The following ATG14 variants were observed in gnomAD, a reference collection of about 807,000 sequenced individuals.
ATG14 encodes autophagy related 14.
A neutral mutation model predicts 60.4 loss-of-function variants in ATG14; 35 were observed. That is an observed-to-expected ratio of 0.58 (90% CI 0.44 to 0.77). The LOEUF is 0.77. Ranked by LOEUF, ATG14 falls within the 30% of genes least tolerant of loss-of-function variation. The probability of loss-of-function intolerance (pLI) is 0.00; values close to 1 mark genes in which losing one functional copy is unlikely to be tolerated. For missense variants in ATG14, 647 were observed against 626.3 expected (o/e 1.03, Z -0.35); for synonymous variants, 234 against 228.8 (o/e 1.02, Z -0.21).
intron 3 of ATG14, among the ~76,000 whole-genome samples, chr14:55,394,567 C>T (rs530521992): frequency 6.6e-6 from 1 of 152,286 alleles, no homozygotes; most frequent in East Asian, 1.9e-4. Flanking sequence ...AGCATGTACA[C>T]TACAGATTCA....
At chr14:55,411,463 C>T in intron 1 of ATG14, 139 bp downstream of exon 1, 1 of 844,632 alleles carries the variant, frequency 1.2e-6, no homozygotes, top group Non-Finnish European at 1.8e-6. Flanking sequence ...CGGTGCAGAG[C>T]AGCTAGCTAC....
chr14:55,402,777 A>C (rs1465134927), intron 1 of ATG14, among the ~76,000 whole-genome samples: 1 of 148,292 alleles, frequency 6.7e-6, no homozygotes, highest in Non-Finnish European at 1.5e-5. Flanking sequence ...AATTAGAAAC[A>C]GGCCAGGTGT....
intron 1 of ATG14, among the ~76,000 whole-genome samples, chr14:55,397,830 T>A (rs1885336535): frequency 6.6e-6 from 1 of 152,176 alleles, no homozygotes; most frequent in South Asian, 2.1e-4. Flanking sequence ...TTCCTTATAA[T>A]AAATTTTTAA....
In ATG14 at chr14:55,369,928, G is replaced by T; in HGVS notation, c.1173-3C>A. 1 of 1,590,548 alleles carries T rather than the reference G, an allele frequency of 6.3e-7. No homozygotes were observed. The highest frequency in any genetic ancestry group is 8.6e-7 in the Non-Finnish European group (1 of 1,166,450). Reference sequence around the variant, plus strand: ...CTCGTACTTCAAAGGGCCCTGACCTGTGTGCAGACAATGAGGGTCTCTTTA... The same window carrying T: ...CTCGTACTTCAAAGGGCCCTGACCTTTGTGCAGACAATGAGGGTCTCTTTA... On this transcript the variant is annotated splice_polypyrimidine_tract_variant and splice_region_variant and intron_variant, in intron 9 of 9. Coordinates refer to ENST00000247178, the MANE Select transcript of ATG14 (RefSeq NM_014924.5).
chr14:55,396,379 T>C (rs1885314239), intron 2 of ATG14, among the ~76,000 whole-genome samples: 1 of 152,228 alleles, frequency 6.6e-6, no homozygotes, highest in Non-Finnish European at 1.5e-5. Context: ...AAATGTTCTA[T>C]GGGAAAAATA....
chr14:55,383,360 G>A (rs1885067680), intron 5 of ATG14, among the ~76,000 whole-genome samples: 1 of 152,100 alleles, frequency 6.6e-6, no homozygotes, highest in South Asian at 2.1e-4. Flanking sequence ...AGATCAGCCT[G>A]GCCAACATGG....
At chr14:55,404,866 C>T (rs1885464841) in intron 1 of ATG14, among the ~76,000 whole-genome samples, 1 of 152,066 alleles carries the variant, frequency 6.6e-6, no homozygotes, top group Non-Finnish European at 1.5e-5. Context: ...GTAAGTCAGC[C>T]ACAACACCCC....
chr14:55,385,250 TAATA>T (rs1885103137), intron 5 of ATG14, among the ~76,000 whole-genome samples: 1 of 152,170 alleles, frequency 6.6e-6, no homozygotes, highest in Non-Finnish European at 1.5e-5. Flanking sequence ...AACACACAAC[TAATA>T]AATGGCCCAA....
intron 1 of ATG14, among the ~76,000 whole-genome samples, chr14:55,398,079 C>G (rs1418345732): frequency 1.3e-5 from 2 of 151,708 alleles, no homozygotes; most frequent in Non-Finnish European, 2.9e-5. Context: ...TCCCAAGCAG[C>G]TGGGACTACA....
intron 6 of ATG14, among the ~76,000 whole-genome samples, 165 bp from the exon 7 acceptor site, chr14:55,380,855 G>GTATATA (rs1555341865): frequency 2.2e-4 from 26 of 118,062 alleles, no homozygotes; most frequent in Non-Finnish European, 3.5e-4. Flanking sequence ...TTCTTTGTGT[G>GTATATA]TATATATATA....
intron 3 of ATG14, among the ~76,000 whole-genome samples, chr14:55,394,045 C>T (rs1389325417): frequency 1.2e-3 from 170 of 142,280 alleles, no homozygotes; most frequent in African/African-American, 4.0e-3. Context: ...GTTGCTCTGT[C>T]GCCCAGGCTG....
At chr14:55,403,108 G>A (rs1885437090) in intron 1 of ATG14, among the ~76,000 whole-genome samples, 1 of 150,386 alleles carries the variant, frequency 6.6e-6, no homozygotes, top group South Asian at 2.1e-4. Context: ...GGCAGAGTGA[G>A]AACCTGTCTC....
At chr14:55,398,355 A>G (rs1885348950) in intron 1 of ATG14, among the ~76,000 whole-genome samples, 1 of 152,110 alleles carries the variant, frequency 6.6e-6, no homozygotes, top group Non-Finnish European at 1.5e-5. Flanking sequence ...GTTTAAGGTG[A>G]TAACTCAGGT....
At chr14:55,395,863 A>T in intron 3 of ATG14, 77 bp downstream of exon 3, 1 of 1,101,666 alleles carries the variant, frequency 9.1e-7, no homozygotes, top group Non-Finnish European at 1.2e-6. Flanking sequence ...AAAAATTTTA[A>T]TTAAAAATAA....
At chr14:55,371,131 G>A (rs1160324554) in intron 9 of ATG14, among the ~76,000 whole-genome samples, 9 of 152,188 alleles carry the variant, frequency 5.9e-5, no homozygotes, top group African/African-American at 1.7e-4. Context: ...ATAAGCACAC[G>A]ATGCCTTGGT....
intron 9 of ATG14, among the ~76,000 whole-genome samples, chr14:55,377,141 G>C (rs768613150): frequency 6.6e-6 from 1 of 152,210 alleles, no homozygotes; most frequent in Non-Finnish European, 1.5e-5. Flanking sequence ...GAGGTCAGGA[G>C]TTTGAGACCA....
At chr14:55,388,123 C>G (rs1013782637) in intron 4 of ATG14, among the ~76,000 whole-genome samples, 7 of 152,108 alleles carry the variant, frequency 4.6e-5, no homozygotes, top group Non-Finnish European at 8.8e-5. Flanking sequence ...GGCGAAAGAG[C>G]GAGACTCCAT....
At chr14:55,402,404 G>A (rs913688868) in intron 1 of ATG14, among the ~76,000 whole-genome samples, 24 of 152,092 alleles carry the variant, frequency 1.6e-4, no homozygotes, top group African/African-American at 4.8e-4. Context: ...CTTTTGATTC[G>A]GTTATTGCAT....
chr14:55,384,281 C>G (rs1885086780), intron 5 of ATG14, among the ~76,000 whole-genome samples: 2 of 152,206 alleles, frequency 1.3e-5, no homozygotes, highest in African/African-American at 4.8e-5. Context: ...TGAAAAAAGT[C>G]AGCCTTACAG....
Sources: allele counts gnomAD v4.1 joint callset (sites outside exome capture counted in the v4.1 genomes callset), GRCh38; gene constraint gnomAD v4.1.1; transcripts MANE v1.5; gene names NCBI Gene and HGNC (gene_info 2026-07-23, HGNC 2026-07-21).